The following DZANK1 variants were observed in gnomAD, a reference collection of about 807,000 sequenced individuals.
DZANK1 encodes the protein double zinc ribbon and ankyrin repeat domains 1, also known as double zinc ribbon and ankyrin repeat-containing protein 1.
DZANK1 carries 91 observed loss-of-function variants against 94.5 expected under a neutral mutation model. The ratio of observed to expected loss-of-function variants is 0.96; its 90% confidence interval spans 0.81 to 1.15. DZANK1 has a LOEUF of 1.15. Ranked by LOEUF, DZANK1 falls within the 50% of genes most tolerant of loss-of-function variation. DZANK1 has a pLI of 0.00. For synonymous variants in DZANK1, 312 were observed against 325.3 expected (o/e 0.96, Z 0.44); for missense variants, 903 against 916.4 (o/e 0.99, Z 0.19).
At chr20:18,449,195 A>G (rs1282540335) in intron 6 of DZANK1, 126 bp from the exon 7 acceptor site, 3 of 758,572 alleles carry the variant, frequency 4.0e-6, no homozygotes, top group Admixed American at 2.7e-5. Context: ...ATAAAGAGGA[A>G]TAATAGACAC....
chr20:18,390,836 A>G (rs2424183), intron 17 of DZANK1, among the ~76,000 whole-genome samples: 151,716 of 152,278 alleles, frequency 1, 75,578 homozygotes, highest in East Asian at 1. Flanking sequence ...AAGGTCAGCC[A>G]AAGTATGACA....
At chr20:18,432,272 AC>A (rs1328707909) in intron 9 of DZANK1, among the ~76,000 whole-genome samples, 4 of 152,200 alleles carry the variant, frequency 2.6e-5, no homozygotes, top group Non-Finnish European at 4.4e-5. Flanking sequence ...TTATCTTCAA[AC>A]ATCCTGAATA....
At chr20:18,412,980 G>A in intron 12 of DZANK1, 127 bp from the exon 13 acceptor site, 1 of 888,078 alleles carries the variant, frequency 1.1e-6, no homozygotes. Flanking sequence ...GGAACTAATA[G>A]GGTTTTCCAG....
chr20:18,419,555 C>T (rs1231272546), intron 10 of DZANK1, among the ~76,000 whole-genome samples: 3 of 152,040 alleles, frequency 2.0e-5, no homozygotes, highest in African/African-American at 7.2e-5. Context: ...AATGACACAT[C>T]CCGTACATGA....
chr20:18,392,542 T>G (rs2056073377), intron 17 of DZANK1, among the ~76,000 whole-genome samples: 1 of 152,208 alleles, frequency 6.6e-6, no homozygotes, highest in South Asian at 2.1e-4. Context: ...TGGGACTTGC[T>G]GCTAATCACA....
chr20:18,429,318 G>A (rs887717388), intron 9 of DZANK1, among the ~76,000 whole-genome samples: 8 of 152,196 alleles, frequency 5.3e-5, no homozygotes, highest in African/African-American at 1.9e-4. Flanking sequence ...TCACCTTGCA[G>A]GGCTCATAAT....
At chr20:18,436,931 G>T (rs2058547185) in intron 8 of DZANK1, among the ~76,000 whole-genome samples, 1 of 152,168 alleles carries the variant, frequency 6.6e-6, no homozygotes, top group Admixed American at 6.5e-5. Flanking sequence ...AATTACATCT[G>T]CAGCAAACCA....
chr20:18,449,563 G>A (rs138165009), intron 6 of DZANK1, among the ~76,000 whole-genome samples: 1,757 of 151,892 alleles, frequency 0.012, 26 homozygotes, highest in Non-Finnish European at 0.015. Context: ...ATCCCAGCCT[G>A]GCCAACATGG....
intron 17 of DZANK1, among the ~76,000 whole-genome samples, chr20:18,391,971 C>T (rs994522507): frequency 1.3e-5 from 2 of 152,224 alleles, no homozygotes; most frequent in Admixed American, 1.3e-4. Context: ...ATGCAGTAGG[C>T]ATGTCAGCTT....
intron 13 of DZANK1, among the ~76,000 whole-genome samples, chr20:18,402,701 AT>A (rs2056750050): frequency 6.6e-6 from 1 of 152,184 alleles, no homozygotes; most frequent in Non-Finnish European, 1.5e-5. Flanking sequence ...AAACTTTTCA[AT>A]AAACTTTCAC....
At chr20:18,422,711 A>G (rs192233696) in intron 10 of DZANK1, among the ~76,000 whole-genome samples, 26 of 151,626 alleles carry the variant, frequency 1.7e-4, no homozygotes, top group African/African-American at 6.3e-4. Context: ...AAATCCAAAT[A>G]CTTCTGGTCC....
intron 6 of DZANK1, 82 bp downstream of exon 6, chr20:18,452,533 G>A (rs2148756066): frequency 7.0e-7 from 1 of 1,434,604 alleles, no homozygotes; most frequent in Non-Finnish European, 9.3e-7. Context: ...AAGTGGGGGA[G>A]GTGCAGTCTT....
rs4813315 is a variant in DZANK1, at chr20:18,401,063, A to C, written c.1433-2437T>G. Among the ~76,000 whole-genome samples, 366 of 151,926 alleles carry C rather than the reference A, an allele frequency of 2.4e-3. 5 individuals are homozygous for C. The highest frequency in any genetic ancestry group is 0.02 in the Admixed American group (306 of 15,260). On this transcript the variant is annotated intron_variant, in intron 13 of 20. Coordinates refer to ENST00000262547, the Ensembl canonical transcript of DZANK1. ...GCCATTCTCCTGCCTCAGCCTCCTG[A>C]GTAGCTGGGATTACAGGCACCCACC...
At chr20:18,432,371 C>T (rs1452675138) in intron 9 of DZANK1, 1 of 152,174 alleles carries the variant, frequency 6.6e-6, no homozygotes, top group Non-Finnish European at 1.5e-5. Flanking sequence ...ATTTCTCTCT[C>T]CCATATATAA....
At chr20:18,461,837 T>C (rs764696991) in intron 2 of DZANK1, among the ~76,000 whole-genome samples, 3 of 152,222 alleles carry the variant, frequency 2.0e-5, no homozygotes, top group African/African-American at 7.2e-5. Context: ...TGACCTCAGG[T>C]GATCTGCCCA....
intron 19 of DZANK1, 148 bp from the exon 20 acceptor site, chr20:18,385,238 C>T (rs1416087574): frequency 1.5e-6 from 1 of 683,936 alleles, no homozygotes; most frequent in African/African-American, 1.8e-5. Flanking sequence ...CTCTGCCTTT[C>T]TCTTGGAGGA....
At chr20:18,399,192 C>T (rs1321883734) in intron 13 of DZANK1, among the ~76,000 whole-genome samples, 1 of 150,072 alleles carries the variant, frequency 6.7e-6, no homozygotes, top group Non-Finnish European at 1.5e-5. Context: ...TTTTCTTTTT[C>T]TATGATTCTA....
At chr20:18,438,091 T>C (rs1047876670) in intron 8 of DZANK1, among the ~76,000 whole-genome samples, 1 of 151,326 alleles carries the variant, frequency 6.6e-6, no homozygotes, top group African/African-American at 2.4e-5. Context: ...TGGTGGCAGG[T>C]GCTTCTAGTC....
rs759227701 is a variant in DZANK1, at chr20:18,421,763, T to C, written c.954+5304A>G. Among the ~76,000 whole-genome samples the C allele has an allele frequency of 1.7e-3, 259 of 152,302 alleles. 6 individuals are homozygous for C. The highest frequency in any genetic ancestry group is 2.3e-3 in the Admixed American group (35 of 15,300). On this transcript the variant is annotated intron_variant, in intron 10 of 20. Transcript: ENST00000262547. ...TTGAAAAAATCTCTCCCTGGGTGGC[T>C]TGCAATGCTCAGCTGGATTTGCAGG...
Sources: gnomAD v4.1 joint callset for allele counts (sites outside exome capture counted in the v4.1 genomes callset) on GRCh38, gnomAD v4.1.1 for gene constraint, MANE v1.5 for transcripts, NCBI Gene and HGNC (gene_info 2026-07-23, HGNC 2026-07-21) for gene names.